GFRA1: variants seen among roughly 807,000 people sequenced by gnomAD.
The protein encoded by GFRA1 is GDNF family receptor alpha-1.
A neutral mutation model predicts 51.6 loss-of-function variants in GFRA1; 16 were observed. That is an observed-to-expected ratio of 0.31 (90% CI 0.21 to 0.47). The LOEUF is 0.47. Among genes scored for constraint, GFRA1 ranks in the 20% least tolerant of loss-of-function variants. The pLI is 1.00. For missense variants in GFRA1, 530 were observed against 594.3 expected (o/e 0.89, Z 1.13); for synonymous variants, 270 against 241.3 (o/e 1.12, Z -1.10).
At chr10:116,230,735 CACA>C (rs1966628392) in intron 4 of GFRA1, among the ~76,000 whole-genome samples, 1 of 151,334 alleles carries the variant, frequency 6.6e-6, no homozygotes, top group Non-Finnish European at 1.5e-5. Context: ...CACACACACA[CACA>C]CACACAGACA....
intron 5 of GFRA1, among the ~76,000 whole-genome samples, chr10:116,145,840 A>G (rs1377731953): frequency 1.3e-5 from 2 of 152,216 alleles, no homozygotes; most frequent in Non-Finnish European, 2.9e-5. Flanking sequence ...ACTATGGTAT[A>G]TTCACACAAT....
At position 116,058,077 on chromosome 10, in the gene GFRA1, T is replaced by C. The variant is rs889843376; in HGVS notation, c.*6321A>G. Reference sequence around the variant, plus strand: ...ACCACGCTTTATTGGCGGAGCCTTATGTGCCAGCGAACTGAGAAGGTCCAG... The same window carrying C: ...ACCACGCTTTATTGGCGGAGCCTTACGTGCCAGCGAACTGAGAAGGTCCAG... On this transcript the variant is annotated 3_prime_UTR_variant, in exon 11 of 11. Transcript: ENST00000355422. 1.3e-5 allele frequency: 2 copies of C among 150,472 alleles called. No homozygotes were observed. Among genetic ancestry groups the C allele is most frequent in the African/African-American group, 4.9e-5 (2 of 40,746 alleles). 9.3% of individuals were successfully genotyped at this position (150,472 alleles called of 1,614,324 possible). A position where few individuals can be genotyped will look rare whatever the true frequency, so the allele number is the denominator to read the frequency against.
chr10:116,066,453 C>G (rs1312847818), intron 9 of GFRA1, among the ~76,000 whole-genome samples: 2 of 152,158 alleles, frequency 1.3e-5, no homozygotes, highest in Non-Finnish European at 2.9e-5. Context: ...CTCCCTGTTT[C>G]TCCTCAACTG....
intron 6 of GFRA1, among the ~76,000 whole-genome samples, chr10:116,114,677 G>A (rs751195139): frequency 1.3e-4 from 19 of 151,910 alleles, no homozygotes; most frequent in Non-Finnish European, 1.6e-4. Flanking sequence ...GAGACTACAG[G>A]CACATACCAC....
intron 5 of GFRA1, among the ~76,000 whole-genome samples, chr10:116,136,922 G>C (rs1390290047): frequency 6.6e-6 from 1 of 152,176 alleles, no homozygotes; most frequent in African/African-American, 2.4e-5. Context: ...TTTTTCCTGT[G>C]GGTGACTGAG....
intron 6 of GFRA1, among the ~76,000 whole-genome samples, chr10:116,113,918 C>G (rs1957309388): frequency 6.6e-6 from 1 of 152,134 alleles, no homozygotes; most frequent in South Asian, 2.1e-4. Context: ...CATCATCACC[C>G]GCACCACCGT....
At position 116,186,321 on chromosome 10, in the gene GFRA1, G is replaced by A. The variant is rs1352158604; in HGVS notation, c.433+25310C>T. Reference sequence around the variant, plus strand: ...CACCAATGGTGAAATGTAACTCCCCGAAGCAACCTCCCCAAGGAACTAAGT... The same window carrying A: ...CACCAATGGTGAAATGTAACTCCCCAAAGCAACCTCCCCAAGGAACTAAGT... On this transcript the variant is annotated intron_variant, in intron 5 of 10. Coordinates refer to ENST00000355422, the MANE Select transcript of GFRA1 (RefSeq NM_005264.8). 2.6e-5 allele frequency among the ~76,000 whole-genome samples: 4 copies of A among 152,262 alleles called. No individual in the cohort carries two copies. The East Asian group carries it at 5.8e-4, about 22-fold the overall frequency.
chr10:116,133,503 C>T (rs186514786), intron 5 of GFRA1, among the ~76,000 whole-genome samples: 1 of 152,298 alleles, frequency 6.6e-6, no homozygotes, highest in Non-Finnish European at 1.5e-5. Context: ...GTCCAATCAT[C>T]TGAGCGTTTT....
intron 4 of GFRA1, among the ~76,000 whole-genome samples, chr10:116,239,722 C>A (rs560414529): frequency 6.6e-6 from 1 of 152,106 alleles, no homozygotes; most frequent in Non-Finnish European, 1.5e-5. Flanking sequence ...GTGATAGACA[C>A]GTATCATCTT....
chr10:116,142,235 T>C (rs750978554), intron 5 of GFRA1, among the ~76,000 whole-genome samples: 1 of 152,146 alleles, frequency 6.6e-6, no homozygotes, highest in Non-Finnish European at 1.5e-5. Flanking sequence ...TCTCGGTATT[T>C]TGGTGTGTTG....
rs56263127 is a variant in GFRA1, at chr10:116,057,990, T to TTGTGTGTGTGTGTGTGTG, written c.*6390_*6407dup. ...GCTGGATCATATAGCCCTCCAATCA[T>TTGTGTGTGTGTGTGTGTG]TGTGTGTGTGTGTGTGTGTGTGTGT... On this transcript the variant is annotated 3_prime_UTR_variant, in exon 11 of 11. Transcript: ENST00000355422. 1.0e-4 allele frequency: 13 copies of TTGTGTGTGTGTGTGTGTG among 129,106 alleles called. No homozygotes were observed. The highest frequency in any genetic ancestry group is 5.3e-4 in the East Asian group (2 of 3,774). The allele number at this position is 129,106 out of a possible 1,614,324, so 8.0% of individuals were successfully genotyped here.
chr10:116,119,535 G>A (rs1395225071), intron 6 of GFRA1, among the ~76,000 whole-genome samples: 5 of 152,158 alleles, frequency 3.3e-5, no homozygotes, highest in East Asian at 1.9e-4. Context: ...ATGAATCAGC[G>A]TAAAATAAAA....
intron 8 of GFRA1, among the ~76,000 whole-genome samples, chr10:116,092,945 C>T (rs900492914): frequency 1.3e-5 from 2 of 152,148 alleles, no homozygotes; most frequent in South Asian, 2.1e-4. Context: ...GTCCTGGCAC[C>T]GTGCTTTTGG....
chr10:116,073,864 A>T (rs1955509123), intron 9 of GFRA1, among the ~76,000 whole-genome samples: 1 of 152,194 alleles, frequency 6.6e-6, no homozygotes, highest in South Asian at 2.1e-4. Flanking sequence ...GATATAAAAC[A>T]CCACGGTTTG....
chr10:116,117,555 G>GGA lies in GFRA1; in HGVS notation c.770+7665_770+7666insTC, dbSNP rs76021953. ...TGGATGGGTGGGTGGGTGGGTGGGTGTGTGGATGGATGGATGGATGGATGG... is the reference window on the plus strand; with the variant it reads ...TGGATGGGTGGGTGGGTGGGTGGGTGGATGTGGATGGATGGATGGATGGATGG... On this transcript the variant is annotated intron_variant, in intron 6 of 10. Transcript: ENST00000355422. 1.5e-3 allele frequency among the ~76,000 whole-genome samples: 189 copies of GGA among 127,774 alleles called. 4 individuals carry two copies. Among genetic ancestry groups the GGA allele is most frequent in the African/African-American group, 4.2e-3 (148 of 35,100 alleles). The allele number at this position is 127,774 out of a possible 152,430, so 83.8% of individuals were successfully genotyped here. A position where few individuals can be genotyped will look rare whatever the true frequency, so the allele number is the denominator to read the frequency against.
At chr10:116,148,763 A>G (rs1958940952) in intron 5 of GFRA1, among the ~76,000 whole-genome samples, 1 of 152,180 alleles carries the variant, frequency 6.6e-6, no homozygotes, top group African/African-American at 2.4e-5. Context: ...TAAGAAGAAT[A>G]ATCATTAAAT....
intron 5 of GFRA1, among the ~76,000 whole-genome samples, chr10:116,171,729 C>T (rs554102206): frequency 3.3e-5 from 5 of 152,312 alleles, no homozygotes; most frequent in East Asian, 1.9e-4. Context: ...ATGTTGGCAG[C>T]GGCTTTCCTT....
chr10:116,173,585 A>G (rs10749197), intron 5 of GFRA1, among the ~76,000 whole-genome samples: 89,372 of 152,036 alleles, frequency 0.59, 26,240 homozygotes, highest in Middle Eastern at 0.63. Flanking sequence ...ATAACTATTC[A>G]TCGTTTTTAA....
intron 9 of GFRA1, among the ~76,000 whole-genome samples, chr10:116,081,152 A>C (rs1266782457): frequency 6.6e-6 from 1 of 152,108 alleles, no homozygotes; most frequent in Non-Finnish European, 1.5e-5. Flanking sequence ...GGTCATAGGA[A>C]CCCCTGGATT....
Sources: gnomAD v4.1 joint callset for allele counts (sites outside exome capture counted in the v4.1 genomes callset) on GRCh38, gnomAD v4.1.1 for gene constraint, MANE v1.5 for transcripts, NCBI Gene and HGNC (gene_info 2026-07-23, HGNC 2026-07-21) for gene names.